RBFOX1: variants seen among roughly 807,000 people sequenced by gnomAD.
RBFOX1 encodes the protein RNA binding protein fox-1 homolog 1.
A neutral mutation model predicts 57.7 loss-of-function variants in RBFOX1; 8 were observed. The observed-to-expected ratio is 0.14, with a 90% CI of 0.08 to 0.25. The LOEUF is 0.25. RBFOX1 is among the 10% of genes least tolerant of loss of function. The pLI is 1.00. For missense variants in RBFOX1, 611 were observed against 548.5 expected (o/e 1.11, Z -1.14); for synonymous variants, 326 against 222.4 (o/e 1.47, Z -4.15).
intron 1 of RBFOX1, among the ~76,000 whole-genome samples, chr16:6,218,893 T>C (rs941447918): frequency 5.3e-5 from 8 of 151,610 alleles, no homozygotes; most frequent in African/African-American, 1.7e-4. Flanking sequence ...GTCCTAATTA[T>C]AGTTTTTCTT....
chr16:6,386,602 G>A (rs1234572735), intron 2 of RBFOX1, among the ~76,000 whole-genome samples: 1 of 152,194 alleles, frequency 6.6e-6, no homozygotes, highest in Non-Finnish European at 1.5e-5. Context: ...ATCACAGGTG[G>A]TAAGATGTCT....
At chr16:5,711,156 G>C (rs1384165247) in intron 3 of RBFOX1, among the ~76,000 whole-genome samples, 9 of 152,198 alleles carry the variant, frequency 5.9e-5, no homozygotes, top group Non-Finnish European at 1.3e-4. Flanking sequence ...TTATTAATTT[G>C]ATGTAGTAAA....
intron 3 of RBFOX1, among the ~76,000 whole-genome samples, chr16:5,614,969 G>T (rs1303218865): frequency 6.6e-6 from 1 of 152,162 alleles, no homozygotes; most frequent in Non-Finnish European, 1.5e-5. Context: ...TGAGAGATGG[G>T]TGGGGTCAGA....
chr16:6,713,686 C>T (rs75276705), intron 3 of RBFOX1, among the ~76,000 whole-genome samples: 4,963 of 152,266 alleles, frequency 0.033, 277 homozygotes, highest in African/African-American at 0.11. Context: ...CCTGTCCTCC[C>T]TTGTTTTTAG....
chr16:7,316,470 C>G (rs1164809269), intron 4 of RBFOX1, among the ~76,000 whole-genome samples: 1 of 151,962 alleles, frequency 6.6e-6, no homozygotes. Context: ...TTAATTTACT[C>G]ACTCATTCAT....
intron 4 of RBFOX1, among the ~76,000 whole-genome samples, chr16:7,165,963 C>CACACAG: frequency 1.3e-5 from 1 of 76,136 alleles, no homozygotes; most frequent in South Asian, 3.4e-4. Context: ...CACACACACA[C>CACACAG]ACATACATAC....
intron 1 of RBFOX1, among the ~76,000 whole-genome samples, chr16:5,268,842 C>T (rs571573298): frequency 1.3e-5 from 2 of 152,258 alleles, no homozygotes; most frequent in South Asian, 2.1e-4. Flanking sequence ...AGTGGCTACA[C>T]CATTTTAACA....
At chr16:7,155,698 C>CG (rs2076936116) in intron 4 of RBFOX1, among the ~76,000 whole-genome samples, 1 of 24,428 alleles carries the variant, frequency 4.1e-5, no homozygotes, top group East Asian at 1.2e-3. Context: ...CTCCTCCCAC[C>CG]AAAAAAAAAA....
At chr16:5,253,511 G>C (rs1013380202) in intron 1 of RBFOX1, among the ~76,000 whole-genome samples, 11 of 152,122 alleles carry the variant, frequency 7.2e-5, no homozygotes, top group African/African-American at 2.7e-4. Flanking sequence ...CTCTGTCCTG[G>C]GTATACTGAG....
At chr16:6,349,922 G>C (rs552346817) in intron 2 of RBFOX1, among the ~76,000 whole-genome samples, 1 of 152,266 alleles carries the variant, frequency 6.6e-6, no homozygotes, top group South Asian at 2.1e-4. Flanking sequence ...GGATGCCATG[G>C]GGGGCAGTGG....
At chr16:6,714,603 C>A (rs534920848) in intron 3 of RBFOX1, among the ~76,000 whole-genome samples, 3 of 152,186 alleles carry the variant, frequency 2.0e-5, no homozygotes, top group African/African-American at 7.2e-5. Context: ...AATGTGATTT[C>A]AGCATCAAGA....
chr16:7,225,905 A>AATCAATCAATATATATATATATATATAT (rs1555600462), intron 4 of RBFOX1, among the ~76,000 whole-genome samples: 2 of 93,752 alleles, frequency 2.1e-5, no homozygotes, highest in African/African-American at 9.5e-5. Context: ...AAGTATAATA[A>AATCAATCAATATATATATATATATATAT]ATATATATAT....
chr16:5,475,027 T>C (rs1179486609), intron 2 of RBFOX1, among the ~76,000 whole-genome samples: 1 of 152,214 alleles, frequency 6.6e-6, no homozygotes, highest in African/African-American at 2.4e-5. Context: ...GGCCTGGGCA[T>C]GCTACCCTTC....
chr16:5,494,223 A>C (rs1487092427), intron 2 of RBFOX1, among the ~76,000 whole-genome samples: 2 of 152,160 alleles, frequency 1.3e-5, no homozygotes, highest in African/African-American at 4.8e-5. Context: ...TCCTTGGCGG[A>C]TGCTACCCTC....
chr16:6,555,139 T>C (rs2097074528), intron 2 of RBFOX1, among the ~76,000 whole-genome samples: 1 of 152,210 alleles, frequency 6.6e-6, no homozygotes. Flanking sequence ...ACTTTTTATG[T>C]CCAGTAGTGT....
At chr16:5,716,714 A>C (rs1454861001) in intron 3 of RBFOX1, among the ~76,000 whole-genome samples, 1 of 152,230 alleles carries the variant, frequency 6.6e-6, no homozygotes, top group Non-Finnish European at 1.5e-5. Flanking sequence ...TGCAGTGAGC[A>C]TAGGTGTCCA....
In RBFOX1 at chr16:7,119,241, T is replaced by G. The variant is rs573591513; in HGVS notation, c.27+67143T>G. Among the ~76,000 whole-genome samples, 5 of 152,262 alleles carry G rather than the reference T, an allele frequency of 3.3e-5. No individual in the cohort carries two copies. The East Asian group carries it at 9.7e-4, about 29-fold the overall frequency. On this transcript the variant is annotated intron_variant, in intron 4 of 15. Coordinates refer to ENST00000550418, the MANE Select transcript of RBFOX1 (RefSeq NM_018723.4). ...TGTAGGTACAAGGCAGTAATTTTTTTGTGTCCATTCACATATGCATGTGTG... is the reference window on the plus strand; with the variant it reads ...TGTAGGTACAAGGCAGTAATTTTTTGGTGTCCATTCACATATGCATGTGTG...
intron 3 of RBFOX1, among the ~76,000 whole-genome samples, chr16:6,903,597 G>A (rs1184317117): frequency 6.6e-6 from 1 of 152,144 alleles, no homozygotes; most frequent in Non-Finnish European, 1.5e-5. Flanking sequence ...GAAACTGGTG[G>A]GGAGGTTTCA....
chr16:6,055,417 A>AC (rs2095602417), intron 1 of RBFOX1, among the ~76,000 whole-genome samples: 1 of 151,568 alleles, frequency 6.6e-6, no homozygotes, highest in African/African-American at 2.4e-5. Flanking sequence ...ATATGGTGAG[A>AC]CCCCATCTCT....
Sources: gnomAD v4.1 joint callset for allele counts (sites outside exome capture counted in the v4.1 genomes callset) on GRCh38, gnomAD v4.1.1 for gene constraint, MANE v1.5 for transcripts, NCBI Gene and HGNC (gene_info 2026-07-23, HGNC 2026-07-21) for gene names.